Variants in TENM2 observed in about 807,000 individuals in gnomAD.
TENM2 encodes teneurin-2.
In TENM2, 52 loss-of-function variants were observed where a neutral mutation model predicts 245.2. The observed-to-expected ratio is 0.21, with a 90% confidence interval of 0.17 to 0.27. The LOEUF is 0.27. Ranked by LOEUF, TENM2 falls within the 10% of genes least tolerant of loss-of-function variation. The probability of loss-of-function intolerance (pLI) is 1.00; values close to 1 mark genes in which losing one functional copy is unlikely to be tolerated. For synonymous variants in TENM2, 1,363 were observed against 1,438.9 expected, an observed-to-expected ratio of 0.95 and a Z score of 1.19; for missense variants, 3,046 against 3,666.8, an observed-to-expected ratio of 0.83 and a Z score of 4.37.
At chr5:168,200,214 AT>A in intron 17 of TENM2, 83 bp downstream of exon 19, 1 of 1,289,782 alleles carries the variant, frequency 7.8e-7, no homozygotes, top group Non-Finnish European at 1.1e-6. Flanking sequence ...TTCCGAGGAT[AT>A]GCCAAGCACC....
In TENM2 at chr5:168,199,155, C is replaced by T. The variant is rs1178613443; in HGVS notation, c.3162+41C>T. On this transcript the variant is annotated intron_variant, in intron 16 of 28. Coordinates refer to ENST00000518659, the Ensembl canonical transcript of TENM2. ...CCAGGGCGGGACTCTCAGGACTTCCCTAACGAAAACCAACTGGACACTGCC... is the reference window on the plus strand; with the variant it reads ...CCAGGGCGGGACTCTCAGGACTTCCTTAACGAAAACCAACTGGACACTGCC... The T allele has an allele frequency of 3.2e-6, 5 of 1,582,622 alleles. No individual in the cohort carries two copies. In the African/African-American group the frequency reaches 4.0e-5, roughly 13 times the overall value.
At chr5:168,057,333 T>TCACTCA (rs1197578922) in intron 6 of TENM2, among the ~76,000 whole-genome samples, 17 of 127,658 alleles carry the variant, frequency 1.3e-4, no homozygotes, top group Non-Finnish European at 2.7e-4. Flanking sequence ...ACACACACAC[T>TCACTCA]CACTCACACT....
chr5:167,285,682 C>A (rs1771303475), intron 1 of TENM2, among the ~76,000 whole-genome samples: 1 of 152,204 alleles, frequency 6.6e-6, no homozygotes. Context: ...AATGCATCAA[C>A]ACGTAGAATA....
At chr5:167,447,019 C>G (rs1366769801) in intron 2 of TENM2, among the ~76,000 whole-genome samples, 3 of 152,184 alleles carry the variant, frequency 2.0e-5, no homozygotes. Context: ...CTTTGAGCAT[C>G]ATGTGGTGCT....
chr5:167,818,246 C>T (rs1230154778), intron 2 of TENM2, among the ~76,000 whole-genome samples: 1 of 152,110 alleles, frequency 6.6e-6, no homozygotes, highest in Non-Finnish European at 1.5e-5. Context: ...TGGGGCAGCT[C>T]ATCTAGACAA....
chr5:168,012,391 G>A (rs546698866), intron 5 of TENM2, among the ~76,000 whole-genome samples: 1 of 151,880 alleles, frequency 6.6e-6, no homozygotes, highest in East Asian at 1.9e-4. Context: ...ACTTGTAATC[G>A]CTGCGCTTTG....
chr5:167,824,934 C>T (rs1244838102), intron 2 of TENM2, among the ~76,000 whole-genome samples: 3 of 152,184 alleles, frequency 2.0e-5, no homozygotes, highest in Non-Finnish European at 4.4e-5. Flanking sequence ...AAATAGTCAA[C>T]AGGCGCCTGC....
intron 7 of TENM2, among the ~76,000 whole-genome samples, chr5:168,076,062 T>G (rs1285430940): frequency 6.6e-6 from 1 of 152,236 alleles, no homozygotes; most frequent in Non-Finnish European, 1.5e-5. Flanking sequence ...CATATCAGTT[T>G]CTGTGGCTTA....
chr5:167,680,155 A>T (rs561899865), intron 2 of TENM2, among the ~76,000 whole-genome samples: 1 of 152,108 alleles, frequency 6.6e-6, no homozygotes, highest in Admixed American at 6.6e-5. Flanking sequence ...CCATCTTCCA[A>T]CCAATATTGA....
the TENM2 span, among the ~76,000 whole-genome samples, chr5:167,065,104 GTAT>G: frequency 8.9e-3 from 1,351 of 152,156 alleles, 77 homozygotes; most frequent in East Asian, 0.18. Context: ...TGGAAGACTG[GTAT>G]TATTTCTACT....
At chr5:167,147,770 T>C in the TENM2 span, among the ~76,000 whole-genome samples, 1 of 152,154 alleles carries the variant, frequency 6.6e-6, no homozygotes, top group African/African-American at 2.4e-5. Flanking sequence ...GCATCTAGTC[T>C]AGATGCTAGA....
chr5:167,410,343 C>G (rs776075756), intron 2 of TENM2, among the ~76,000 whole-genome samples: 16 of 152,006 alleles, frequency 1.1e-4, no homozygotes, highest in Non-Finnish European at 2.2e-4. Context: ...ATATGGTGCT[C>G]AGAATCATCT....
Position 168,244,452 on chromosome 5 carries a change from T to C in TENM2, c.5553T>C (p.Tyr1851=). The change falls in exon 26 of 29, where the codon TAT becomes TAC. Residue 1851 remains tyrosine, a synonymous_variant. Transcript: ENST00000518659. This position sits in a 1 kb window ranked among gnomAD's most constrained non-coding sequence, Gnocchi z 4.9. ...GAAGAAATCTCTTGTCCATTGACTA[T>C]GATCGAAATATTCGGACTGAAAAGA... The C allele has an allele frequency of 6.3e-7, 1 of 1,575,446 alleles. No homozygotes were observed. Among genetic ancestry groups the C allele is most frequent in the South Asian group, 1.2e-5 (1 of 86,850 alleles).
intron 2 of TENM2, among the ~76,000 whole-genome samples, chr5:167,873,015 C>A (rs781671849): frequency 2.0e-5 from 3 of 152,230 alleles, no homozygotes; most frequent in Non-Finnish European, 4.4e-5. Flanking sequence ...TCAGATATGC[C>A]TCAATAACAC....
intron 2 of TENM2, among the ~76,000 whole-genome samples, chr5:167,617,308 G>C (rs1777855767): frequency 6.6e-6 from 1 of 152,152 alleles, no homozygotes; most frequent in South Asian, 2.1e-4. Flanking sequence ...CTGTGGTTTA[G>C]TTAATAGTGT....
intron 2 of TENM2, among the ~76,000 whole-genome samples, chr5:167,564,733 G>T (rs915893056): frequency 6.6e-6 from 1 of 152,142 alleles, no homozygotes; most frequent in Non-Finnish European, 1.5e-5. Flanking sequence ...TGAAATATTT[G>T]AGCGTTTCCC....
intron 2 of TENM2, among the ~76,000 whole-genome samples, chr5:167,393,147 T>G (rs1761856981): frequency 6.7e-6 from 1 of 148,710 alleles, no homozygotes. Context: ...AAAAAAAAAG[T>G]TAATTTTTAT....
chr5:167,213,254 G>A, the TENM2 span, among the ~76,000 whole-genome samples: 1 of 152,024 alleles, frequency 6.6e-6, no homozygotes, highest in South Asian at 2.1e-4. Flanking sequence ...GTCTCAGCTG[G>A]GCTACTGTAA....
chr5:167,718,228 A>C (rs1279335834), intron 2 of TENM2, among the ~76,000 whole-genome samples: 1 of 151,090 alleles, frequency 6.6e-6, no homozygotes, highest in Non-Finnish European at 1.5e-5. Context: ...TTCCTAATTG[A>C]CTCCACTCCC....
Sources: gnomAD v4.1 joint callset for allele counts (sites outside exome capture counted in the v4.1 genomes callset) on GRCh38, gnomAD v4.1.1 for gene constraint, Gnocchi (gnomAD v3.1) non-coding constraint, MANE v1.5 for transcripts, NCBI Gene and HGNC (gene_info 2026-07-23, HGNC 2026-07-21) for gene names.